KAT6B: variants seen among roughly 807,000 people sequenced by gnomAD.
The protein encoded by KAT6B is histone acetyltransferase KAT6B.
KAT6B carries 10 observed loss-of-function variants against 187.5 expected under a neutral mutation model. That is an observed-to-expected ratio of 0.05 (90% confidence interval 0.03 to 0.09). The LOEUF (loss-of-function observed/expected upper bound fraction) is 0.09. Ranked by LOEUF, KAT6B falls within the 10% of genes least tolerant of loss-of-function variation. The pLI is 1.00. For missense variants in KAT6B, 1,952 were observed against 2,558.9 expected (o/e 0.76, Z 5.12); for synonymous variants, 861 against 926.8 (o/e 0.93, Z 1.29).
intron 3 of KAT6B, among the ~76,000 whole-genome samples, chr10:74,954,074 C>T (rs1300821813): frequency 6.6e-6 from 1 of 152,106 alleles, no homozygotes; most frequent in Non-Finnish European, 1.5e-5. Flanking sequence ...AATATTTGAT[C>T]TGGAAGGAAC....
intron 13 of KAT6B, among the ~76,000 whole-genome samples, chr10:75,017,793 GAC>G (rs1648160896): frequency 6.6e-6 from 1 of 152,258 alleles, no homozygotes; most frequent in African/African-American, 2.4e-5. Context: ...GAGTGGACAT[GAC>G]ACACACTTTT....
intron 4 of KAT6B, among the ~76,000 whole-genome samples, chr10:74,965,916 T>TA (rs1841434022): frequency 6.7e-6 from 1 of 149,724 alleles, no homozygotes; most frequent in Non-Finnish European, 1.5e-5. Flanking sequence ...TTTTTTTTTT[T>TA]AGTAGAGACG....
intron 3 of KAT6B, among the ~76,000 whole-genome samples, chr10:74,921,331 C>A (rs577039719): frequency 5.3e-5 from 8 of 152,212 alleles, no homozygotes; most frequent in African/African-American, 1.9e-4. Context: ...CCAGGCCGGT[C>A]TGGAACTCCT....
upstream of KAT6B, among the ~76,000 whole-genome samples, chr10:74,826,141 T>G: frequency 7.6e-6 from 1 of 132,096 alleles, no homozygotes. Context: ...GGTTTGGGGT[T>G]GAGTGGGGGA....
At chr10:74,864,129 C>T (rs563843434) in intron 3 of KAT6B, among the ~76,000 whole-genome samples, 3 of 152,070 alleles carry the variant, frequency 2.0e-5, no homozygotes, top group Admixed American at 1.3e-4. Context: ...AGTGCAGTGG[C>T]GCGATCTCAG....
intron 7 of KAT6B, among the ~76,000 whole-genome samples, chr10:74,975,081 A>G (rs528362352): frequency 1.3e-5 from 2 of 152,334 alleles, no homozygotes; most frequent in East Asian, 3.9e-4. Flanking sequence ...ACACCAAAGG[A>G]TAGCTTGTTT....
At position 74,959,942 on chromosome 10, in the gene KAT6B, A is replaced by C; in HGVS notation, c.622-28A>C. On this transcript the variant is annotated intron_variant, in intron 3 of 17. Transcript: ENST00000287239. ...TTTACTTTTGAAATGGAAAAGTGAC[A>C]GTATTTTTTATTTTAATTTTGTCAT... 2.2e-6 allele frequency: 3 copies of C among 1,373,378 alleles called. No homozygotes were observed. The East Asian group carries it at 6.9e-5, about 31-fold the overall frequency. 85.1% of individuals were successfully genotyped at this position (1,373,378 alleles called of 1,614,324 possible). A position where few individuals can be genotyped will look rare whatever the true frequency, so the allele number is the denominator to read the frequency against.
At chr10:74,973,201 A>G (rs1024808086) in intron 7 of KAT6B, among the ~76,000 whole-genome samples, 1 of 152,242 alleles carries the variant, frequency 6.6e-6, no homozygotes, top group African/African-American at 2.4e-5. Flanking sequence ...GCAGACATAT[A>G]TATAAAATAA....
At position 75,025,002 on chromosome 10, in the gene KAT6B, G is replaced by A. The variant is rs1022953922; in HGVS notation, c.3417G>A (p.Arg1139=). ...LKKKRGRKRR[R]INSSVTTETI... is the part of the protein sequence containing the mutation. ...AGAAAAGGGGTCGTAAACGCAGGAG[G>A]ATCAACAGCAGTGTAACAACAGAGA... is the stretch of plus-strand genomic sequence containing the variant. Residue 1139 remains arginine (R), a synonymous_variant, in exon 17 of 18, where the codon AGG becomes AGA. Transcript: ENST00000287239. 3 of 1,614,214 alleles carry A rather than the reference G, an allele frequency of 1.9e-6. No homozygotes were observed. The highest frequency in any genetic ancestry group is 3.3e-5 in the Admixed American group (2 of 60,024).
chr10:74,910,706 A>G (rs935154313), intron 3 of KAT6B, among the ~76,000 whole-genome samples: 7 of 151,838 alleles, frequency 4.6e-5, no homozygotes, highest in Admixed American at 2.0e-4. Context: ...CAGATCTGCA[A>G]CCTCCCTGGT....
intron 16 of KAT6B, among the ~76,000 whole-genome samples, chr10:75,022,507 T>A (rs1285772163): frequency 6.6e-5 from 10 of 152,168 alleles, no homozygotes. Flanking sequence ...GTAGAGTAAC[T>A]GAGGTTTATG....
chr10:74,954,801 G>A (rs1299315690), intron 3 of KAT6B, among the ~76,000 whole-genome samples: 2 of 151,994 alleles, frequency 1.3e-5, no homozygotes, highest in African/African-American at 4.8e-5. Context: ...TTTTTTGCTC[G>A]CCTATTCACT....
intron 3 of KAT6B, among the ~76,000 whole-genome samples, chr10:74,936,292 A>T (rs1321367390): frequency 6.6e-6 from 1 of 151,824 alleles, no homozygotes; most frequent in Non-Finnish European, 1.5e-5. Flanking sequence ...AATCCCAGCT[A>T]CTCGGGAGGC....
At chr10:74,875,575 C>A (rs995982906) in intron 3 of KAT6B, among the ~76,000 whole-genome samples, 1 of 151,572 alleles carries the variant, frequency 6.6e-6, no homozygotes, top group Non-Finnish European at 1.5e-5. Context: ...ACGAGATTCT[C>A]CTGCCTCAGC....
At chr10:74,857,536 C>T (rs1589485642) in intron 3 of KAT6B, among the ~76,000 whole-genome samples, 2 of 152,196 alleles carry the variant, frequency 1.3e-5, no homozygotes, top group African/African-American at 2.4e-5. Flanking sequence ...CAGTCCTTAA[C>T]TTTATCATAT....
At chr10:75,018,278 A>G (rs529755171) in intron 13 of KAT6B, among the ~76,000 whole-genome samples, 89 of 152,348 alleles carry the variant, frequency 5.8e-4, no homozygotes, top group Non-Finnish European at 1.1e-3. Context: ...CACACCCATC[A>G]GGGCTGATCA....
upstream of KAT6B, among the ~76,000 whole-genome samples, chr10:74,826,432 A>T (rs975760605): frequency 6.6e-6 from 1 of 152,112 alleles, no homozygotes; most frequent in African/African-American, 2.4e-5. Flanking sequence ...TGGAAGCGAG[A>T]TGACCGGCAG....
chr10:74,872,683 A>ATTT (rs56753846), intron 3 of KAT6B, among the ~76,000 whole-genome samples: 4 of 143,694 alleles, frequency 2.8e-5, no homozygotes, highest in Admixed American at 6.9e-5. Context: ...TGGCTAATTA[A>ATTT]TTTTTTTTTT....
intron 3 of KAT6B, among the ~76,000 whole-genome samples, chr10:74,871,881 C>G (rs186324534): frequency 9.5e-4 from 145 of 152,254 alleles, no homozygotes; most frequent in Middle Eastern, 3.4e-3. Context: ...GTGTGGTGTC[C>G]TAACTCTCTC....
Sources: allele counts gnomAD v4.1 joint callset (sites outside exome capture counted in the v4.1 genomes callset), GRCh38; gene constraint gnomAD v4.1.1; transcripts MANE v1.5; gene names NCBI Gene and HGNC (gene_info 2026-07-23, HGNC 2026-07-21).